The following SRRM3 variants were observed in gnomAD, a reference collection of about 807,000 sequenced individuals.
SRRM3 encodes serine/arginine repetitive matrix 3.
In SRRM3, 27 loss-of-function variants were observed where a neutral mutation model predicts 66.2. The observed-to-expected ratio is 0.41, with a 90% confidence interval of 0.30 to 0.56. The LOEUF (loss-of-function observed/expected upper bound fraction) is 0.56, where lower values mean the gene tolerates loss of function less well. Ranked by LOEUF, SRRM3 falls within the 20% of genes least tolerant of loss-of-function variation. SRRM3 has a pLI of 0.32. For missense variants in SRRM3, 918 were observed against 991.9 expected, an observed-to-expected ratio of 0.93 and a Z score of 1.00; for synonymous variants, 391 against 414.9, an observed-to-expected ratio of 0.94 and a Z score of 0.70.
intron 10 of SRRM3, among the ~76,000 whole-genome samples, chr7:76,266,303 A>G (rs1309358655): frequency 2.7e-3 from 319 of 117,454 alleles, no homozygotes; most frequent in South Asian, 6.9e-3. Context: ...ATTTAATATA[A>G]ATATTAACAT....
intron 1 of SRRM3, among the ~76,000 whole-genome samples, chr7:76,217,701 C>CT (rs1274818592): frequency 2.0e-5 from 3 of 152,170 alleles, no homozygotes; most frequent in African/African-American, 7.2e-5. Context: ...CAGGAGGGGT[C>CT]TAGGCAGTAT....
rs918990541 is a variant in SRRM3, at chr7:76,267,422, A to C, written c.995A>C (p.His332Pro). ...CACGGGGGCCGCCCCGGCTCGGCGCACAGCCCGCCCGATGTACGTACGCTT... is the reference window on the plus strand; with the variant it reads ...CACGGGGGCCGCCCCGGCTCGGCGCCCAGCCCGCCCGATGTACGTACGCTT... ...GAHGGRPGSA[H>P]SPPDKPSSPS... The change falls in exon 11 of 15, where the codon CAC (histidine) becomes CCC (proline). Residue 332 changes from histidine to proline, a missense_variant. By Grantham distance (77) the His-to-Pro change is moderately conservative. Transcript: ENST00000611745. 9.5e-6 allele frequency: 13 copies of C among 1,368,290 alleles called. No homozygotes were observed. The East Asian group carries it at 3.1e-4, about 33-fold the overall frequency. The allele number at this position is 1,368,290 out of a possible 1,614,324, so 84.8% of individuals were successfully genotyped here.
chr7:76,274,594 C>T (rs545563000), intron 11 of SRRM3, among the ~76,000 whole-genome samples: 1 of 152,328 alleles, frequency 6.6e-6, no homozygotes, highest in Admixed American at 6.5e-5. Context: ...TGTGAACCCT[C>T]AGAGCAGAAC....
chr7:76,282,893 G>C, intron 13 of SRRM3, 21 bp downstream of exon 13: 1 of 1,321,556 alleles, frequency 7.6e-7, no homozygotes, highest in East Asian at 3.2e-5. Context: ...GCCCGGACCG[G>C]GCCGACGGGG....
intron 1 of SRRM3, among the ~76,000 whole-genome samples, chr7:76,208,918 AAAGG>A (rs1240270359): frequency 3.3e-5 from 5 of 150,078 alleles, no homozygotes; most frequent in Non-Finnish European, 7.4e-5. Context: ...AGAGAGGGAG[AAAGG>A]AAGGAAGGAA....
intron 10 of SRRM3, among the ~76,000 whole-genome samples, 160 bp downstream of exon 10, chr7:76,265,628 G>A (rs6465068): frequency 0.43 from 64,056 of 150,662 alleles, 17,890 homozygotes; most frequent in African/African-American, 0.78. Flanking sequence ...CACTGCTGTA[G>A]TCTCAGCACT....
At chr7:76,277,169 G>A (rs893021951) in intron 11 of SRRM3, among the ~76,000 whole-genome samples, 15 of 152,202 alleles carry the variant, frequency 9.9e-5, no homozygotes, top group South Asian at 2.1e-4. Context: ...GGAAGGATCT[G>A]GATCAGCACA....
At chr7:76,265,858 A>ATATATATTTT (rs1554609525) in intron 10 of SRRM3, among the ~76,000 whole-genome samples, 1 of 8,370 alleles carries the variant, frequency 1.2e-4, no homozygotes, top group Non-Finnish European at 1.5e-4. Context: ...ATATATATAT[A>ATATATATTTT]TTTTTTTTTT....
At chr7:76,262,878 G>A (rs893955394) in intron 8 of SRRM3, among the ~76,000 whole-genome samples, 4 of 152,046 alleles carry the variant, frequency 2.6e-5, no homozygotes, top group African/African-American at 9.7e-5. Context: ...AAAGGGAAAG[G>A]AGAGGAGAGG....
In SRRM3 at chr7:76,255,148, C is replaced by CTTTTT. The variant is rs57880700; in HGVS notation, c.336-4743_336-4739dup. Among the ~76,000 whole-genome samples the CTTTTT allele has an allele frequency of 8.4e-3, 694 of 83,092 alleles. 2 individuals carry two copies. The highest frequency in any genetic ancestry group is 0.011 in the Non-Finnish European group (568 of 50,266). 54.5% of individuals were successfully genotyped at this position (83,092 alleles called of 152,430 possible). On this transcript the variant is annotated intron_variant, in intron 3 of 14. Coordinates refer to ENST00000611745, the MANE Select transcript of SRRM3 (RefSeq NM_001110199.3). ...CTTTTCTTTCTTTCTTTCTTTCTTTCTTTTTTTTTTTTTTTTTTTGAGATG... is the reference window on the plus strand; with the variant it reads ...CTTTTCTTTCTTTCTTTCTTTCTTTCTTTTTTTTTTTTTTTTTTTTTTTTGAGATG...
Position 76,242,193 on chromosome 7 carries a change from A to T in SRRM3, c.234-5995A>T, listed in dbSNP as rs563866197. Among the ~76,000 whole-genome samples, 266 of 152,276 alleles carry T rather than the reference A, an allele frequency of 1.7e-3. 2 individuals are homozygous for T. Among genetic ancestry groups the T allele is most frequent in the Middle Eastern group, 0.014 (4 of 292 alleles). On this transcript the variant is annotated intron_variant, in intron 2 of 14. Transcript: ENST00000611745. Reference sequence around the variant, plus strand: ...CACCAGATACCAGTTTTGTGGAAGAAAATTTTTCTGGCTGGGCGAGGTGGC... The same window carrying T: ...CACCAGATACCAGTTTTGTGGAAGATAATTTTTCTGGCTGGGCGAGGTGGC...
intron 11 of SRRM3, among the ~76,000 whole-genome samples, chr7:76,274,723 C>T (rs1802298091): frequency 6.6e-6 from 1 of 152,200 alleles, no homozygotes; most frequent in South Asian, 2.1e-4. Flanking sequence ...ACTGAGGGTA[C>T]TAGAGTCAGA....
intron 1 of SRRM3, among the ~76,000 whole-genome samples, chr7:76,217,738 A>T (rs545241730): frequency 6.6e-6 from 1 of 152,146 alleles, no homozygotes; most frequent in Non-Finnish European, 1.5e-5. Context: ...TATTGATAAG[A>T]TGTCCCAATA....
intron 3 of SRRM3, among the ~76,000 whole-genome samples, chr7:76,248,743 C>G (rs1012906700): frequency 6.6e-6 from 1 of 152,204 alleles, no homozygotes; most frequent in African/African-American, 2.4e-5. Context: ...CTTCGGGAGG[C>G]CAAGTCAGGC....
rs782340521 is a variant in SRRM3 at position 76,265,370 on chromosome 7, C to A, written c.732C>A (p.His244Gln). ...TTTCCCCCATCCACGCCAGGCCTCA[C>A]ACAGAGTCCCCAGGCCGGAGGTCTC... ...KEKNKEKKRP[H>Q]TESPGRRSHR... The change falls in exon 10 of 15, where the codon CAC becomes CAA. Residue 244 changes from histidine (H) to glutamine (Q), a missense_variant. Transcript: ENST00000611745. 6 of 1,598,466 alleles carry A rather than the reference C, an allele frequency of 3.8e-6. No homozygotes were observed. Among genetic ancestry groups the A allele is most frequent in the Non-Finnish European group, 8.5e-7 (1 of 1,173,148 alleles).
rs1801108289 is a variant in SRRM3 at position 76,235,114 on chromosome 7, C to G, written c.48C>G (p.Pro16=). 1.3e-6 allele frequency: 2 copies of G among 1,587,246 alleles called. No homozygotes were observed. Among genetic ancestry groups the G allele is most frequent in the East Asian group, 4.6e-5 (2 of 43,686 alleles). ...GGGCGGCCAGCATGCAGTCCACACC[C>G]GACGCCGCGAACGGCTTCCCGCAGC... ...NNGAASMQST[P]DAANGFPQPS... The change falls in exon 2 of 15, where the codon CCC becomes CCG. Residue 16 remains proline, a synonymous_variant. Transcript: ENST00000611745.
intron 1 of SRRM3, among the ~76,000 whole-genome samples, chr7:76,223,046 G>A (rs1298868824): frequency 2.6e-5 from 4 of 152,026 alleles, no homozygotes; most frequent in African/African-American, 9.7e-5. Flanking sequence ...CTCTCCTCCA[G>A]GGAGACCTCC....
intron 10 of SRRM3, among the ~76,000 whole-genome samples, chr7:76,266,232 A>AAATATATAAATATTTATATATTTAAT (rs1802030464): frequency 1.3e-5 from 1 of 74,992 alleles, no homozygotes; most frequent in Non-Finnish European, 2.0e-5. Flanking sequence ...TTATATATTT[A>AAATATATAAATATTTATATATTTAAT]ATATATATAA....
chr7:76,249,374 T>C (rs1801516818), intron 3 of SRRM3, among the ~76,000 whole-genome samples: 1 of 124,866 alleles, frequency 8.0e-6, no homozygotes, highest in Admixed American at 7.6e-5. Context: ...AGCGAGACTC[T>C]GTCTCAAAAA....
Sources: gnomAD v4.1 joint callset for allele counts (sites outside exome capture counted in the v4.1 genomes callset) on GRCh38, gnomAD v4.1.1 for gene constraint, MANE v1.5 for transcripts, NCBI Gene and HGNC (gene_info 2026-07-23, HGNC 2026-07-21) for gene names.